The following MYO3A variants were observed in gnomAD, a reference collection of about 807,000 sequenced individuals.
MYO3A encodes myosin IIIA.
Under a neutral mutation model 192.7 loss-of-function variants are expected in MYO3A, and 180 were observed. The ratio of observed to expected loss-of-function variants is 0.93; its 90% CI spans 0.83 to 1.06. The LOEUF (loss-of-function observed/expected upper bound fraction) is 1.06. Ranked by LOEUF, MYO3A falls within the 50% of genes least tolerant of loss-of-function variation. MYO3A has a pLI of 0.00. For missense variants in MYO3A, 1,896 were observed against 1,905.0 expected (o/e 1.00, Z 0.09); for synonymous variants, 628 against 645.3 (o/e 0.97, Z 0.41).
intron 6 of MYO3A, among the ~76,000 whole-genome samples, chr10:26,016,352 A>T (rs1482825014): frequency 2.0e-5 from 3 of 152,208 alleles, no homozygotes; most frequent in African/African-American, 7.2e-5. Context: ...AAATAATTTT[A>T]TGAAGATTCA....
intron 15 of MYO3A, among the ~76,000 whole-genome samples, chr10:26,090,263 A>C (rs887520421): frequency 6.6e-6 from 1 of 152,258 alleles, no homozygotes; most frequent in Non-Finnish European, 1.5e-5. Context: ...GCAGGAACTC[A>C]GTTCATATAG....
intron 15 of MYO3A, among the ~76,000 whole-genome samples, chr10:26,096,152 G>A (rs373056861): frequency 3.3e-5 from 5 of 152,278 alleles, no homozygotes; most frequent in South Asian, 2.1e-4. Flanking sequence ...AGTCACTCAC[G>A]AATGTATACT....
intron 10 of MYO3A, among the ~76,000 whole-genome samples, chr10:26,065,606 A>ACAT (rs1564513240): frequency 1.1e-4 from 5 of 43,838 alleles, no homozygotes; most frequent in Admixed American, 1.8e-4. Flanking sequence ...AAAAAAAAAA[A>ACAT]AAAAAAAGTA....
intron 15 of MYO3A, among the ~76,000 whole-genome samples, chr10:26,092,383 A>G (rs967090762): frequency 1.3e-5 from 2 of 151,946 alleles, no homozygotes; most frequent in African/African-American, 4.8e-5. Context: ...GGAGAATGGC[A>G]TGAACCTGGG....
At chr10:26,009,559 G>A (rs966739510) in intron 6 of MYO3A, among the ~76,000 whole-genome samples, 1 of 152,072 alleles carries the variant, frequency 6.6e-6, no homozygotes, top group African/African-American at 2.4e-5. Context: ...CTCCTCAGGT[G>A]CGGGTGTGCA....
chr10:26,055,793 C>G (rs920684333), intron 10 of MYO3A, among the ~76,000 whole-genome samples: 7 of 152,172 alleles, frequency 4.6e-5, no homozygotes, highest in Non-Finnish European at 2.9e-5. Context: ...TTGTGAAGAT[C>G]ACAGTTGAAA....
chr10:26,090,633 G>T (rs997678530), intron 15 of MYO3A, among the ~76,000 whole-genome samples: 3 of 152,158 alleles, frequency 2.0e-5, no homozygotes, highest in Admixed American at 2.0e-4. Context: ...TTCCAGAGGA[G>T]CTTTGAGTGA....
chr10:25,958,267 A>G (rs1048557947), intron 4 of MYO3A, among the ~76,000 whole-genome samples: 1 of 152,142 alleles, frequency 6.6e-6, no homozygotes, highest in South Asian at 2.1e-4. Context: ...TGATATTTGT[A>G]TATAGTGTAA....
chr10:26,139,243 A>G (rs1323725097), intron 20 of MYO3A, among the ~76,000 whole-genome samples: 2 of 152,062 alleles, frequency 1.3e-5, no homozygotes, highest in African/African-American at 4.8e-5. Context: ...TTAAAAATAT[A>G]TATATTTTTT....
chr10:25,996,091 G>GA, intron 4 of MYO3A, among the ~76,000 whole-genome samples: 1 of 152,230 alleles, frequency 6.6e-6, no homozygotes, highest in Non-Finnish European at 1.5e-5. Flanking sequence ...GCTATGCCCT[G>GA]CCCCCACAGG....
In MYO3A at chr10:26,174,415, C is replaced by A; in HGVS notation, c.4151C>A (p.Thr1384Lys). The change falls in exon 30 of 35, where the codon ACA becomes AAA. Residue 1384 changes from threonine to lysine, a missense_variant. Coordinates refer to ENST00000642920, the MANE Select transcript of MYO3A (RefSeq NM_017433.5). The stretch of plus-strand genomic sequence containing the variant: ...CATCAGAGGATTGTCACAACACCAA[C>A]AGAAGTAGCAAGAAACACTCATAAT... ...FKHQRIVTTP[T>K]EVARNTHNLY... 1 of 1,614,186 alleles carries A rather than the reference C, an allele frequency of 6.2e-7. No individual in the cohort carries two copies. Among genetic ancestry groups the A allele is most frequent in the Non-Finnish European group, 8.5e-7 (1 of 1,180,036 alleles).
chr10:26,165,115 AT>A (rs1841675228), intron 26 of MYO3A, among the ~76,000 whole-genome samples: 1 of 152,210 alleles, frequency 6.6e-6, no homozygotes, highest in African/African-American at 2.4e-5. Context: ...AAATATGTTC[AT>A]TTTAGAGGTT....
In MYO3A at chr10:26,057,393, G is replaced by A. The variant is rs368890489; in HGVS notation, c.954-9582G>A. ...AGGGTTAACCCTGGAAAAAAAAGGCGATGCTTCCACCCTGGAAGTCACAGA... is the reference window on the plus strand; with the variant it reads ...AGGGTTAACCCTGGAAAAAAAAGGCAATGCTTCCACCCTGGAAGTCACAGA... On this transcript the variant is annotated intron_variant, in intron 10 of 34. Coordinates refer to ENST00000642920, the MANE Select transcript of MYO3A (RefSeq NM_017433.5). 1.9e-4 allele frequency among the ~76,000 whole-genome samples: 29 copies of A among 152,250 alleles called. No individual in the cohort carries two copies. The South Asian group carries it at 2.1e-3, about 11-fold the overall frequency.
At position 25,946,842 on chromosome 10, in the gene MYO3A, C is replaced by T. The variant is rs553533100; in HGVS notation, c.-17-5252C>T. On this transcript the variant is annotated intron_variant, in intron 2 of 34. Coordinates refer to ENST00000642920, the MANE Select transcript of MYO3A (RefSeq NM_017433.5). ...GCAGTGAGCCAAGATCACACGACTG[C>T]ACTCTGGCCTGGGTGACAGAGTGAG... Among the ~76,000 whole-genome samples, 5 of 121,782 alleles carry T rather than the reference C, an allele frequency of 4.1e-5. No individual in the cohort carries two copies. In the South Asian group the frequency reaches 8.3e-4, roughly 20 times the overall value. 79.9% of individuals were successfully genotyped at this position (121,782 alleles called of 152,430 possible).
intron 2 of MYO3A, among the ~76,000 whole-genome samples, chr10:25,950,694 A>G (rs1837156572): frequency 6.6e-6 from 1 of 152,164 alleles, no homozygotes; most frequent in Non-Finnish European, 1.5e-5. Flanking sequence ...CAAGGCTTAG[A>G]GTCTATCCTG....
rs372365208 is a variant in MYO3A at position 26,096,654 on chromosome 10, G to A, written c.1748G>A (p.Cys583Tyr). Reference sequence around the variant, plus strand: ...TCCCAGTATGAATTAATTGAGCAATGTTTCAAAGTCATAGGTTTTACAATG... The same window carrying A: ...TCCCAGTATGAATTAATTGAGCAATATTTCAAAGTCATAGGTTTTACAATG... ...YKSQYELIEQCFKVIGFTMEQ... is the reference protein window; with the variant it reads ...YKSQYELIEQYFKVIGFTMEQ... The change falls in exon 17 of 35, where the codon TGT (cysteine) becomes TAT (tyrosine). Residue 583 changes from cysteine (C) to tyrosine (Y), a missense_variant. Cys to Tyr is a radical substitution (Grantham distance 194). Transcript: ENST00000642920. 4.4e-6 allele frequency: 7 copies of A among 1,591,322 alleles called. No individual in the cohort carries two copies. Among genetic ancestry groups the A allele is most frequent in the Non-Finnish European group, 5.2e-6 (6 of 1,159,362 alleles).
chr10:26,018,348 C>T (rs946932319), intron 7 of MYO3A, among the ~76,000 whole-genome samples: 4 of 151,780 alleles, frequency 2.6e-5, no homozygotes, highest in African/African-American at 9.7e-5. Context: ...ACTTGAAGAA[C>T]ATATTTTAAA....
At chr10:26,199,964 C>T (rs959476587) in intron 32 of MYO3A, among the ~76,000 whole-genome samples, 2 of 152,168 alleles carry the variant, frequency 1.3e-5, no homozygotes, top group African/African-American at 2.4e-5. Flanking sequence ...ACCCCAGTCC[C>T]GGAGATCATT....
At chr10:26,126,881 A>AT (rs1839250178) in intron 19 of MYO3A, among the ~76,000 whole-genome samples, 2 of 152,290 alleles carry the variant, frequency 1.3e-5, no homozygotes, top group East Asian at 3.9e-4. Context: ...AGATTTTAAA[A>AT]TTTTTTACAG....
Sources: allele counts gnomAD v4.1 joint callset (sites outside exome capture counted in the v4.1 genomes callset), GRCh38; gene constraint gnomAD v4.1.1; transcripts MANE v1.5; gene names NCBI Gene and HGNC (gene_info 2026-07-23, HGNC 2026-07-21).